The following LYPLAL1 variants were observed in gnomAD, a reference collection of about 807,000 sequenced individuals.
The protein encoded by LYPLAL1 is lysophospholipase like 1, also known as lysophospholipase-like protein 1.
Under a neutral mutation model 19.7 loss-of-function variants are expected in LYPLAL1, and 23 were observed. That is an observed-to-expected ratio of 1.17 (90% CI 0.84 to 1.65). The LOEUF (loss-of-function observed/expected upper bound fraction) is 1.65. LYPLAL1 is among the 40% of genes most tolerant of loss of function. The probability of loss-of-function intolerance (pLI) is 0.00; values close to 1 mark genes in which losing one functional copy is unlikely to be tolerated. For missense variants in LYPLAL1, 355 were observed against 279.4 expected, an observed-to-expected ratio of 1.27 and a Z score of -1.93; for synonymous variants, 119 against 96.3, an observed-to-expected ratio of 1.24 and a Z score of -1.38.
At chr1:219,345,892 A>G in the LYPLAL1 span, among the ~76,000 whole-genome samples, 127 of 152,278 alleles carry the variant, frequency 8.3e-4, 1 homozygote, top group African/African-American at 3.0e-3. Flanking sequence ...TGTGATACTC[A>G]CACACTCAAC....
the LYPLAL1 span, among the ~76,000 whole-genome samples, chr1:219,301,924 G>C: frequency 6.6e-6 from 1 of 151,526 alleles, no homozygotes. Context: ...TATTTGTTTT[G>C]AATTTTTTAA....
At chr1:219,259,566 C>T in the LYPLAL1 span, among the ~76,000 whole-genome samples, 2 of 151,642 alleles carry the variant, frequency 1.3e-5, no homozygotes, top group Non-Finnish European at 1.5e-5. Context: ...CGTATGTTCT[C>T]ACTTATAAGT....
chr1:219,349,792 T>G, the LYPLAL1 span, among the ~76,000 whole-genome samples: 1 of 152,188 alleles, frequency 6.6e-6, no homozygotes, highest in Admixed American at 6.5e-5. Context: ...AAATTTAGAC[T>G]AAGAAAAACT....
the LYPLAL1 span, among the ~76,000 whole-genome samples, chr1:219,344,522 TA>T: frequency 6.6e-6 from 1 of 152,216 alleles, no homozygotes; most frequent in African/African-American, 2.4e-5. Context: ...TGGTTTTAAA[TA>T]AGTCCACAGC....
At chr1:219,382,846 A>G in the LYPLAL1 span, among the ~76,000 whole-genome samples, 1 of 151,714 alleles carries the variant, frequency 6.6e-6, no homozygotes, top group Non-Finnish European at 1.5e-5. Flanking sequence ...AAACATTTAC[A>G]TTAAAAAAAG....
chr1:219,174,820 C>T (rs1655678766), intron 1 of LYPLAL1: 1 of 817,856 alleles, frequency 1.2e-6, no homozygotes, highest in African/African-American at 1.9e-5. Context: ...AGCCGGTGTC[C>T]TCAGGGGGCC....
At chr1:219,319,604 C>T in the LYPLAL1 span, among the ~76,000 whole-genome samples, 1 of 152,080 alleles carries the variant, frequency 6.6e-6, no homozygotes, top group East Asian at 1.9e-4. Flanking sequence ...GGGCAGAAAC[C>T]ACCTGCCAAA....
chr1:219,430,384 C>T, the LYPLAL1 span, among the ~76,000 whole-genome samples: 7 of 149,004 alleles, frequency 4.7e-5, no homozygotes, highest in South Asian at 6.5e-4. Flanking sequence ...GAGGTTACTT[C>T]GTTTTGTAGT....
At chr1:219,351,771 CAATT>C in the LYPLAL1 span, among the ~76,000 whole-genome samples, 1 of 152,122 alleles carries the variant, frequency 6.6e-6, no homozygotes, top group Non-Finnish European at 1.5e-5. Context: ...CAAATACAAA[CAATT>C]AATTAGGGCA....
the LYPLAL1 span, among the ~76,000 whole-genome samples, chr1:219,362,936 A>G: frequency 1.3e-5 from 2 of 151,938 alleles, no homozygotes; most frequent in Admixed American, 1.3e-4. Context: ...CAGGAAGGGG[A>G]TAGATGGATG....
At chr1:219,285,574 G>A in the LYPLAL1 span, among the ~76,000 whole-genome samples, 1 of 152,122 alleles carries the variant, frequency 6.6e-6, no homozygotes. Context: ...CTACCACATG[G>A]ATGAACCTTG....
At chr1:219,351,425 C>G in the LYPLAL1 span, among the ~76,000 whole-genome samples, 1 of 152,024 alleles carries the variant, frequency 6.6e-6, no homozygotes, top group African/African-American at 2.4e-5. Flanking sequence ...AGAAATCTCT[C>G]TATACTTAAT....
the LYPLAL1 span, among the ~76,000 whole-genome samples, chr1:219,266,693 A>G: frequency 4.6e-5 from 7 of 152,088 alleles, no homozygotes; most frequent in Non-Finnish European, 8.8e-5. Context: ...CACCACAAAC[A>G]TGTGAGTAAT....
chr1:219,372,785 T>G, the LYPLAL1 span, among the ~76,000 whole-genome samples: 1 of 151,766 alleles, frequency 6.6e-6, no homozygotes, highest in Non-Finnish European at 1.5e-5. Flanking sequence ...GCCCCTATAA[T>G]CCCAGCTACC....
chr1:219,235,758 T>C, the LYPLAL1 span, among the ~76,000 whole-genome samples: 2 of 152,212 alleles, frequency 1.3e-5, no homozygotes, highest in African/African-American at 4.8e-5. Context: ...AAGTACACTA[T>C]ACTTGCTTTA....
At chr1:219,238,295 G>A in the LYPLAL1 span, among the ~76,000 whole-genome samples, 4 of 131,348 alleles carry the variant, frequency 3.0e-5, no homozygotes, top group South Asian at 2.5e-4. Context: ...CCGCCACCGC[G>A]CCCGGCTAAT....
At chr1:219,434,598 T>G in the LYPLAL1 span, among the ~76,000 whole-genome samples, 1 of 152,210 alleles carries the variant, frequency 6.6e-6, no homozygotes, top group East Asian at 1.9e-4. Flanking sequence ...GGCCCAAGAC[T>G]TATGCCTCTC....
At chr1:219,393,032 T>C in the LYPLAL1 span, among the ~76,000 whole-genome samples, 1 of 152,238 alleles carries the variant, frequency 6.6e-6, no homozygotes, top group African/African-American at 2.4e-5. Context: ...CTCTGCTAGA[T>C]ATTTTAAGGT....
the LYPLAL1 span, among the ~76,000 whole-genome samples, chr1:219,338,616 A>C: frequency 1.3e-5 from 2 of 151,888 alleles, no homozygotes; most frequent in African/African-American, 4.8e-5. Flanking sequence ...TGGTACAAAA[A>C]AAAAACAAAA....
Sources: allele counts gnomAD v4.1 joint callset (sites outside exome capture counted in the v4.1 genomes callset), GRCh38; gene constraint gnomAD v4.1.1; transcripts MANE v1.5; gene names NCBI Gene and HGNC (gene_info 2026-07-23, HGNC 2026-07-21).